The following CRISPLD1 variants were observed in gnomAD, a reference collection of about 807,000 sequenced individuals.
CRISPLD1 encodes cysteine-rich secretory protein LCCL domain-containing 1.
CRISPLD1 carries 60 observed loss-of-function variants against 77.5 expected under a neutral mutation model. The ratio of observed to expected loss-of-function variants is 0.77; its 90% CI spans 0.63 to 0.96. The LOEUF is 0.96. CRISPLD1 is among the 40% of genes least tolerant of loss of function. CRISPLD1 has a pLI of 0.00. For synonymous variants in CRISPLD1, 195 were observed against 200.1 expected, an observed-to-expected ratio of 0.97 and a Z score of 0.22; for missense variants, 623 against 615.8, an observed-to-expected ratio of 1.01 and a Z score of -0.12.
chr8:75,003,152 T>C (rs1310593769), intron 2 of CRISPLD1, among the ~76,000 whole-genome samples: 2 of 152,216 alleles, frequency 1.3e-5, no homozygotes, highest in African/African-American at 4.8e-5. Context: ...TGGAAACTTA[T>C]CACAGAATTG....
intron 6 of CRISPLD1, among the ~76,000 whole-genome samples, chr8:75,015,861 A>G (rs896256930): frequency 1.3e-5 from 2 of 151,848 alleles, no homozygotes; most frequent in Non-Finnish European, 2.9e-5. Context: ...CCCGGTGACC[A>G]TTATCTTTTA....
At chr8:75,002,777 C>CT (rs1359332836) in intron 2 of CRISPLD1, among the ~76,000 whole-genome samples, 2 of 152,104 alleles carry the variant, frequency 1.3e-5, no homozygotes, top group Non-Finnish European at 2.9e-5. Context: ...GCAGGAGAGC[C>CT]TGAGGTAACT....
intron 14 of CRISPLD1, among the ~76,000 whole-genome samples, chr8:75,031,805 G>A (rs1253255732): frequency 6.6e-6 from 1 of 151,992 alleles, no homozygotes; most frequent in East Asian, 1.9e-4. Flanking sequence ...GCTTGTAACC[G>A]TGCATATCAG....
At chr8:75,020,112 C>T in intron 12 of CRISPLD1, 33 bp downstream of exon 12, 1 of 1,551,128 alleles carries the variant, frequency 6.4e-7, no homozygotes, top group Non-Finnish European at 8.9e-7. Flanking sequence ...GGCTTTGGCC[C>T]TGTGATAACT....
At chr8:75,027,145 T>C (rs1199043900) in intron 13 of CRISPLD1, among the ~76,000 whole-genome samples, 1 of 152,166 alleles carries the variant, frequency 6.6e-6, no homozygotes. Context: ...CCGTATCTCT[T>C]TTATTAGTTT....
At chr8:74,994,170 G>A (rs2128781341) in intron 2 of CRISPLD1, among the ~76,000 whole-genome samples, 1 of 152,292 alleles carries the variant, frequency 6.6e-6, no homozygotes, top group Non-Finnish European at 1.5e-5. Flanking sequence ...GGAAGACAAG[G>A]CAATTGCAGT....
chr8:74,992,913 T>G (rs1209804013), intron 2 of CRISPLD1, among the ~76,000 whole-genome samples: 1 of 150,876 alleles, frequency 6.6e-6, no homozygotes, highest in Non-Finnish European at 1.5e-5. Context: ...TGGTTTTTTT[T>G]TTTTTTTTTT....
intron 2 of CRISPLD1, among the ~76,000 whole-genome samples, chr8:75,002,033 G>C (rs954656832): frequency 6.6e-6 from 1 of 152,094 alleles, no homozygotes; most frequent in African/African-American, 2.4e-5. Context: ...GGCTTCAGTT[G>C]GAAATGAATC....
At chr8:75,024,115 T>C (rs1337564492) in intron 12 of CRISPLD1, among the ~76,000 whole-genome samples, 1 of 152,098 alleles carries the variant, frequency 6.6e-6, no homozygotes, top group Non-Finnish European at 1.5e-5. Flanking sequence ...CTATTGTGTG[T>C]GTTTGAGGAA....
chr8:75,023,692 C>T (rs1477401350), intron 12 of CRISPLD1, among the ~76,000 whole-genome samples: 1 of 152,074 alleles, frequency 6.6e-6, no homozygotes, highest in Non-Finnish European at 1.5e-5. Context: ...ATGCTATCAT[C>T]CACTAATGAT....
In CRISPLD1 at chr8:75,019,107, A is replaced by G. The variant is rs953489628; in HGVS notation, c.1128-763A>G. Among the ~76,000 whole-genome samples the G allele has an allele frequency of 2.7e-4, 41 of 152,244 alleles. 1 individual carries two copies. The highest frequency in any genetic ancestry group is 8.2e-4 in the African/African-American group (34 of 41,552). On this transcript the variant is annotated intron_variant, in intron 10 of 14. Coordinates refer to ENST00000262207, the MANE Select transcript of CRISPLD1 (RefSeq NM_031461.6). The stretch of plus-strand genomic sequence containing the variant: ...GAAACTTGAAGGCTATATTTAATAG[A>G]TTGTATATTTTATGCCTCAAAGAAT...
chr8:74,997,396 T>G (rs992411678), intron 2 of CRISPLD1, among the ~76,000 whole-genome samples: 1 of 150,974 alleles, frequency 6.6e-6, no homozygotes, highest in African/African-American at 2.5e-5. Context: ...TGGTGGATAG[T>G]TGAAGCATTT....
chr8:74,993,361 G>A (rs777022517), intron 2 of CRISPLD1, among the ~76,000 whole-genome samples: 7 of 152,108 alleles, frequency 4.6e-5, no homozygotes, highest in Non-Finnish European at 1.0e-4. Context: ...ACCTAAAGGT[G>A]TATGAAATTT....
intron 9 of CRISPLD1, 25 bp from the exon 10 acceptor site, chr8:75,017,295 T>G: frequency 6.2e-7 from 1 of 1,605,594 alleles, no homozygotes; most frequent in Non-Finnish European, 8.5e-7. Flanking sequence ...TTTTAACATC[T>G]TTTTATCTCC....
chr8:75,016,753 T>C, intron 7 of CRISPLD1, 48 bp downstream of exon 7: 1 of 1,571,276 alleles, frequency 6.4e-7, no homozygotes, highest in Non-Finnish European at 8.6e-7. Context: ...ACATAAATGG[T>C]ATATCCATCA....
At position 74,989,247 on chromosome 8, in the gene CRISPLD1, A is replaced by G. The variant is rs533253080; in HGVS notation, c.258+3002A>G. On this transcript the variant is annotated intron_variant, in intron 2 of 14. Coordinates refer to ENST00000262207, the MANE Select transcript of CRISPLD1 (RefSeq NM_031461.6). Reference sequence around the variant, plus strand: ...TGTGGCAGAGTCAGGAAGGGGAGAAATAAGTTATTGGTGATAGAAACCAGT... The same window carrying G: ...TGTGGCAGAGTCAGGAAGGGGAGAAGTAAGTTATTGGTGATAGAAACCAGT... 6.0e-4 allele frequency among the ~76,000 whole-genome samples: 92 copies of G among 152,296 alleles called. 1 individual carries two copies. In the South Asian group the frequency reaches 0.018, roughly 30 times the overall value.
intron 10 of CRISPLD1, among the ~76,000 whole-genome samples, chr8:75,018,445 C>G (rs1248067838): frequency 6.6e-6 from 1 of 152,034 alleles, no homozygotes; most frequent in African/African-American, 2.4e-5. Flanking sequence ...TGCGTGCCAC[C>G]ATGCCCAGCT....
At chr8:75,010,530 G>T (rs751297385) in intron 2 of CRISPLD1, among the ~76,000 whole-genome samples, 2 of 151,890 alleles carry the variant, frequency 1.3e-5, no homozygotes, top group Non-Finnish European at 2.9e-5. Flanking sequence ...ACTTATTAAT[G>T]CTCTGTGTTC....
chr8:75,017,446 A>G lies in CRISPLD1; in HGVS notation c.1123A>G (p.Ile375Val), dbSNP rs754422234. Residue 375 changes from isoleucine to valine, a missense_variant, in exon 10 of 15, where the codon ATT (isoleucine) becomes GTT (valine). Physicochemically the swap from Ile to Val is conservative, Grantham distance 29. Transcript: ENST00000262207. The part of the protein sequence containing the change: ...IKSNRNGIQT[I>V]GKYQSANSFT... ...GTCCAATAGAAATGGTATTCAAACA[A>G]TTGGGTAAGTACCAAAATAATCTTT... 1.4e-5 allele frequency: 23 copies of G among 1,599,468 alleles called. No individual in the cohort carries two copies. The African/African-American group carries it at 2.4e-4, about 17-fold the overall frequency.
Sources: gnomAD v4.1 joint callset for allele counts (sites outside exome capture counted in the v4.1 genomes callset) on GRCh38, gnomAD v4.1.1 for gene constraint, MANE v1.5 for transcripts, NCBI Gene and HGNC (gene_info 2026-07-23, HGNC 2026-07-21) for gene names.